EMILIN2: variants seen among roughly 807,000 people sequenced by gnomAD.
The protein encoded by EMILIN2 is EMILIN-2.
A neutral mutation model predicts 87.1 loss-of-function variants in EMILIN2; 71 were observed. The observed-to-expected ratio is 0.82, with a 90% CI of 0.67 to 0.99. EMILIN2 has a LOEUF of 0.99. Ranked by LOEUF, EMILIN2 falls within the 50% of genes least tolerant of loss-of-function variation. EMILIN2 has a pLI of 0.00. For missense variants in EMILIN2, 1,407 were observed against 1,371.8 expected, an observed-to-expected ratio of 1.03 and a Z score of -0.40; for synonymous variants, 581 against 563.4, an observed-to-expected ratio of 1.03 and a Z score of -0.44.
chr18:2,865,816 T>C (rs1043151030), intron 2 of EMILIN2, among the ~76,000 whole-genome samples: 10 of 152,354 alleles, frequency 6.6e-5, no homozygotes, highest in East Asian at 3.9e-4. Flanking sequence ...AGGTGCAGTC[T>C]ACAGAGGCAG....
chr18:2,868,766 G>C (rs471399), intron 2 of EMILIN2, among the ~76,000 whole-genome samples: 5 of 151,830 alleles, frequency 3.3e-5, no homozygotes, highest in Non-Finnish European at 5.9e-5. Context: ...GCTTCGGCTC[G>C]GCATCAGACG....
chr18:2,862,858 T>G (rs2076667904), intron 2 of EMILIN2, among the ~76,000 whole-genome samples: 1 of 152,192 alleles, frequency 6.6e-6, no homozygotes, highest in South Asian at 2.1e-4. Context: ...TCCTGGACTT[T>G]TTTTGGTTTG....
chr18:2,881,468 G>T (rs1425732780), intron 2 of EMILIN2, among the ~76,000 whole-genome samples: 2 of 152,210 alleles, frequency 1.3e-5, no homozygotes, highest in Non-Finnish European at 2.9e-5. Flanking sequence ...GAGCTGGGGA[G>T]CTGGCCCCAA....
rs559003349 is a variant in EMILIN2 at position 2,848,662 on chromosome 18, A to G, written c.257+731A>G. 1.3e-4 allele frequency among the ~76,000 whole-genome samples: 10 copies of G among 77,886 alleles called. No individual in the cohort carries two copies. The highest frequency in any genetic ancestry group is 3.8e-4 in the East Asian group (1 of 2,624). The allele number at this position is 77,886 out of a possible 152,430, so 51.1% of individuals were successfully genotyped here. ...CCGTTAAATACATGACACTCATTCAATTGTCATCAGGCAAGTCTTTGGGGG... is the reference window on the plus strand; with the variant it reads ...CCGTTAAATACATGACACTCATTCAGTTGTCATCAGGCAAGTCTTTGGGGG... On this transcript the variant is annotated intron_variant, in intron 2 of 7. Coordinates refer to ENST00000254528, the MANE Select transcript of EMILIN2 (RefSeq NM_032048.3). The surrounding 1 kb of genome is among the most constrained non-coding windows in gnomAD (Gnocchi z 4.1).
intron 4 of EMILIN2, among the ~76,000 whole-genome samples, chr18:2,893,709 G>A (rs2076850737): frequency 6.6e-6 from 1 of 152,160 alleles, no homozygotes; most frequent in South Asian, 2.1e-4. Context: ...TCGCGTTTTT[G>A]AACACTTTCT....
chr18:2,875,662 A>G (rs1280385326), intron 2 of EMILIN2, among the ~76,000 whole-genome samples: 3 of 123,784 alleles, frequency 2.4e-5, no homozygotes, highest in Admixed American at 8.6e-5. Context: ...AGTGGAAGGC[A>G]TGCATGAGCT....
At position 2,847,055 on chromosome 18, in the gene EMILIN2, G is replaced by A; in HGVS notation, c.-134G>A. The stretch of plus-strand genomic sequence containing the variant: ...CCGGAGGGGGCGGCCGCGGAGCACT[G>A]GTTGGAGCGCCGCGAAGCGCCCGAG... On this transcript the variant is annotated 5_prime_UTR_variant, in exon 1 of 8. Coordinates refer to ENST00000254528, the MANE Select transcript of EMILIN2 (RefSeq NM_032048.3). This position sits in a 1 kb window ranked among gnomAD's most constrained non-coding sequence, Gnocchi z 4.5. The A allele has an allele frequency of 9.3e-7, 1 of 1,076,696 alleles. No homozygotes were observed. The highest frequency in any genetic ancestry group is 1.1e-6 in the Non-Finnish European group (1 of 881,216). 66.7% of individuals were successfully genotyped at this position (1,076,696 alleles called of 1,614,324 possible).
chr18:2,869,458 C>T (rs1010358569), intron 2 of EMILIN2, among the ~76,000 whole-genome samples: 5 of 152,226 alleles, frequency 3.3e-5, no homozygotes, highest in African/African-American at 1.2e-4. Flanking sequence ...ACTGCTGATC[C>T]ACTTTCCCTC....
chr18:2,885,179 A>C (rs2076797513), intron 3 of EMILIN2, 40 bp downstream of exon 3: 4 of 1,519,976 alleles, frequency 2.6e-6, no homozygotes, highest in Non-Finnish European at 3.5e-6. Flanking sequence ...GCCACCTTTA[A>C]TATTTCCGGT....
chr18:2,889,733 T>C (rs1258882085), intron 3 of EMILIN2, among the ~76,000 whole-genome samples: 1 of 146,890 alleles, frequency 6.8e-6, no homozygotes, highest in African/African-American at 2.5e-5. Flanking sequence ...AGGGTCTTGC[T>C]ATATTGCCAA....
chr18:2,889,133 CTTT>C (rs772439545), intron 3 of EMILIN2, among the ~76,000 whole-genome samples: 9 of 84,316 alleles, frequency 1.1e-4, no homozygotes, highest in South Asian at 3.9e-4. Flanking sequence ...TCTTTCTTTT[CTTT>C]TTTTTTTTTT....
At position 2,847,410 on chromosome 18, in the gene EMILIN2, G is replaced by A. The variant is rs968865685; in HGVS notation, c.134+88G>A. Reference sequence around the variant, plus strand: ...CCAGAGCTGCCCTGCCAAAGACGACGAGCGGCAGCCGGGGGCCTCCCTTGG... The same window carrying A: ...CCAGAGCTGCCCTGCCAAAGACGACAAGCGGCAGCCGGGGGCCTCCCTTGG... On this transcript the variant is annotated intron_variant, in intron 1 of 7. Transcript: ENST00000254528. The surrounding 1 kb of genome is among the most constrained non-coding windows in gnomAD (Gnocchi z 4.5). The A allele has an allele frequency of 3.0e-5, 36 of 1,191,846 alleles. No homozygotes were observed. The highest frequency in any genetic ancestry group is 4.8e-5 in the African/African-American group (3 of 62,304). 73.8% of individuals were successfully genotyped at this position (1,191,846 alleles called of 1,614,324 possible). A position where few individuals can be genotyped will look rare whatever the true frequency, so the allele number is the denominator to read the frequency against.
intron 7 of EMILIN2, among the ~76,000 whole-genome samples, chr18:2,910,657 G>A (rs899082750): frequency 2.0e-5 from 3 of 151,642 alleles, no homozygotes; most frequent in Admixed American, 1.3e-4. Flanking sequence ...TGGGGCAGTG[G>A]ATTTCAGGGA....
chr18:2,885,434 G>T (rs1324212542), intron 3 of EMILIN2, among the ~76,000 whole-genome samples: 2 of 152,254 alleles, frequency 1.3e-5, no homozygotes, highest in African/African-American at 4.8e-5. Flanking sequence ...TGGAGGCACA[G>T]CTGTGAAGAG....
In EMILIN2 at chr18:2,911,846, C is replaced by T. The variant is rs537384821; in HGVS notation, c.2825-1221C>T. Among the ~76,000 whole-genome samples, 5 of 152,168 alleles carry T rather than the reference C, an allele frequency of 3.3e-5. 1 individual carries two copies. In the South Asian group the frequency reaches 8.3e-4, roughly 25 times the overall value. On this transcript the variant is annotated intron_variant, in intron 7 of 7. Transcript: ENST00000254528. ...GAACTGAGTGAGGCTTCACCACAGG[C>T]GACTCTGAACAAAGGTGAAGGCCAC...
At chr18:2,878,994 G>A (rs2076763504) in intron 2 of EMILIN2, among the ~76,000 whole-genome samples, 1 of 152,152 alleles carries the variant, frequency 6.6e-6, no homozygotes, top group Admixed American at 6.5e-5. Context: ...GGTCAGTGCT[G>A]TAAACACAAG....
intron 2 of EMILIN2, among the ~76,000 whole-genome samples, chr18:2,865,667 T>G (rs1388503000): frequency 6.6e-6 from 1 of 152,208 alleles, no homozygotes; most frequent in Admixed American, 6.5e-5. Context: ...AGGGACCCAC[T>G]TGAGGAGGCA....
Position 2,913,347 on chromosome 18 carries a change from T to A in EMILIN2, c.3105T>A (p.Asp1035Glu). 6.2e-7 allele frequency: 1 copy of A among 1,612,332 alleles called. No homozygotes were observed. Among genetic ancestry groups the A allele is most frequent in the Non-Finnish European group, 8.5e-7 (1 of 1,179,084 alleles). ...TGGKLAHTDF[D>E]EMYSTFSGVF... ...GCAAGCTGGCTCACACAGACTTTGA[T>A]GAAATGTACTCCACATTTAGTGGGG... Residue 1035 changes from aspartate (D) to glutamate (E), a missense_variant, in exon 8 of 8, where the codon GAT becomes GAA. Coordinates refer to ENST00000254528, the MANE Select transcript of EMILIN2 (RefSeq NM_032048.3).
chr18:2,905,717 C>A (rs2076907459), intron 4 of EMILIN2, among the ~76,000 whole-genome samples: 2 of 151,972 alleles, frequency 1.3e-5, no homozygotes, highest in African/African-American at 4.8e-5. Flanking sequence ...ATTCTCCTGC[C>A]TCAGCCTCCC....
Sources: gnomAD v4.1 joint callset for allele counts (sites outside exome capture counted in the v4.1 genomes callset) on GRCh38, gnomAD v4.1.1 for gene constraint, Gnocchi (gnomAD v3.1) non-coding constraint, MANE v1.5 for transcripts, NCBI Gene and HGNC (gene_info 2026-07-23, HGNC 2026-07-21) for gene names.